ASAP1: variants seen among roughly 807,000 people sequenced by gnomAD.
ASAP1 encodes ArfGAP with SH3 domain, ankyrin repeat and PH domain 1.
Under a neutral mutation model 145.2 loss-of-function variants are expected in ASAP1, and 43 were observed. The ratio of observed to expected loss-of-function variants is 0.30; its 90% CI spans 0.23 to 0.38. ASAP1 has a LOEUF of 0.38. Among genes scored for constraint, ASAP1 ranks in the 10% least tolerant of loss-of-function variants. The pLI, the probability that ASAP1 is intolerant of heterozygous loss-of-function variation, is 1.00. For synonymous variants in ASAP1, 546 were observed against 515.5 expected (o/e 1.06, Z -0.80); for missense variants, 1,018 against 1,355.3 (o/e 0.75, Z 3.91).
intron 24 of ASAP1, among the ~76,000 whole-genome samples, chr8:130,102,829 G>A (rs537081530): frequency 2.6e-5 from 4 of 152,174 alleles, no homozygotes; most frequent in African/African-American, 7.2e-5. Context: ...AGCACCACAG[G>A]TAGGTACCAC....
chr8:130,263,432 T>C (rs558887282), intron 3 of ASAP1, among the ~76,000 whole-genome samples: 1 of 152,216 alleles, frequency 6.6e-6, no homozygotes, highest in East Asian at 1.9e-4. Context: ...AGAAAAAAGA[T>C]GCAACAAGCA....
intron 3 of ASAP1, among the ~76,000 whole-genome samples, chr8:130,307,466 T>C (rs370867193): frequency 6.6e-6 from 1 of 152,172 alleles, no homozygotes; most frequent in African/African-American, 2.4e-5. Flanking sequence ...CTAGGGATGG[T>C]TGTTCCTCCT....
At chr8:130,426,376 T>C (rs1829917705) in intron 1 of ASAP1, among the ~76,000 whole-genome samples, 1 of 151,902 alleles carries the variant, frequency 6.6e-6, no homozygotes, top group Non-Finnish European at 1.5e-5. Flanking sequence ...AGTAGTTCTT[T>C]ATAGCAGTGT....
At chr8:130,300,186 A>AGAGAGAGAGAGAGAGAGAGAGAGAGAGC (rs1565186230) in intron 3 of ASAP1, among the ~76,000 whole-genome samples, 1 of 146,128 alleles carries the variant, frequency 6.8e-6, no homozygotes, top group African/African-American at 2.5e-5. Flanking sequence ...AGAGAGAGAG[A>AGAGAGAGAGAGAGAGAGAGAGAGAGAGC]GCGAGCGAGC....
chr8:130,080,478 C>CTCTCTT (rs869286628), intron 25 of ASAP1, among the ~76,000 whole-genome samples: 2 of 71,188 alleles, frequency 2.8e-5, no homozygotes, highest in Non-Finnish European at 6.1e-5. Context: ...CATTCTCTCT[C>CTCTCTT]TTTTTTTTTT....
intron 13 of ASAP1, among the ~76,000 whole-genome samples, chr8:130,149,551 T>C (rs1338536361): frequency 2.0e-5 from 3 of 152,150 alleles, no homozygotes; most frequent in Non-Finnish European, 4.4e-5. Context: ...TTAATCTAAA[T>C]GCATACTTGG....
chr8:130,238,363 A>T (rs1442673983), intron 3 of ASAP1, among the ~76,000 whole-genome samples: 2 of 152,158 alleles, frequency 1.3e-5, no homozygotes, highest in Non-Finnish European at 2.9e-5. Context: ...ACACAGTAAC[A>T]GAGAAAAGAG....
intron 3 of ASAP1, among the ~76,000 whole-genome samples, chr8:130,353,607 T>C (rs759627375): frequency 4.1e-4 from 62 of 152,340 alleles, no homozygotes; most frequent in Non-Finnish European, 7.5e-4. Context: ...TGGTGGCTCA[T>C]GCCTGTAATC....
At chr8:130,105,604 G>A (rs1260001381) in intron 24 of ASAP1, among the ~76,000 whole-genome samples, 1 of 152,146 alleles carries the variant, frequency 6.6e-6, no homozygotes, top group Admixed American at 6.5e-5. Flanking sequence ...GGTTTTCATA[G>A]TATAAAGCTT....
chr8:130,064,934 T>TGTGTGTGTGA (rs56705405), intron 27 of ASAP1, among the ~76,000 whole-genome samples: 1 of 146,520 alleles, frequency 6.8e-6, no homozygotes, highest in East Asian at 2.0e-4. Flanking sequence ...TGTGTGTGTG[T>TGTGTGTGTGA]AAGAATCACA....
chr8:130,204,068 G>A (rs1431025627), intron 5 of ASAP1, among the ~76,000 whole-genome samples: 2 of 152,194 alleles, frequency 1.3e-5, no homozygotes, highest in Non-Finnish European at 1.5e-5. Context: ...ACAGGTCTGT[G>A]GCTTGTTAGG....
chr8:130,304,652 G>A (rs760966488), intron 3 of ASAP1, among the ~76,000 whole-genome samples: 1 of 152,128 alleles, frequency 6.6e-6, no homozygotes, highest in Non-Finnish European at 1.5e-5. Context: ...AATGTGTGAT[G>A]TTTTCAATTT....
intron 9 of ASAP1, among the ~76,000 whole-genome samples, chr8:130,171,730 G>A (rs1813608209): frequency 1.3e-5 from 2 of 152,180 alleles, no homozygotes; most frequent in East Asian, 3.8e-4. Context: ...CAAAGCAGCG[G>A]CTTCATTGAG....
intron 2 of ASAP1, among the ~76,000 whole-genome samples, chr8:130,375,492 C>T (rs754206482): frequency 6.7e-6 from 1 of 150,310 alleles, no homozygotes; most frequent in Non-Finnish European, 1.5e-5. Flanking sequence ...CCCAGGAGTT[C>T]GAGGTTACAG....
At chr8:130,091,517 C>T (rs1325983173) in intron 25 of ASAP1, among the ~76,000 whole-genome samples, 2 of 152,164 alleles carry the variant, frequency 1.3e-5, no homozygotes, top group Admixed American at 6.6e-5. Flanking sequence ...CATGCAGGGC[C>T]CTGTGGGCCT....
chr8:130,107,945 C>G (rs894766960), intron 24 of ASAP1, among the ~76,000 whole-genome samples: 29 of 152,244 alleles, frequency 1.9e-4, no homozygotes, highest in African/African-American at 6.8e-4. Context: ...GCTGTCTAGG[C>G]AGCCATGGTC....
intron 3 of ASAP1, among the ~76,000 whole-genome samples, chr8:130,294,292 G>T (rs1822123329): frequency 6.6e-6 from 1 of 152,218 alleles, no homozygotes; most frequent in African/African-American, 2.4e-5. Flanking sequence ...TTGGTAATGA[G>T]TTCTGAATGA....
chr8:130,280,187 A>AT (rs1586744112), intron 3 of ASAP1, among the ~76,000 whole-genome samples: 1 of 152,188 alleles, frequency 6.6e-6, no homozygotes. Context: ...AACAAAGATG[A>AT]TTTTACCAGA....
chr8:130,147,892 G>T (rs779670813), intron 13 of ASAP1, among the ~76,000 whole-genome samples: 1 of 152,190 alleles, frequency 6.6e-6, no homozygotes, highest in Non-Finnish European at 1.5e-5. Flanking sequence ...TAAAAATACT[G>T]TTGGTGTTGG....
Sources: gnomAD v4.1 joint callset for allele counts (sites outside exome capture counted in the v4.1 genomes callset) on GRCh38, gnomAD v4.1.1 for gene constraint, MANE v1.5 for transcripts, NCBI Gene and HGNC (gene_info 2026-07-23, HGNC 2026-07-21) for gene names.